The following TBC1D4 variants were observed in gnomAD, a reference collection of about 807,000 sequenced individuals.
The protein encoded by TBC1D4 is TBC (Tre-2, BUB2, CDC16) domain-containing protein.
Under a neutral mutation model 142.5 loss-of-function variants are expected in TBC1D4, and 121 were observed. The observed-to-expected ratio is 0.85, with a 90% CI of 0.73 to 0.99. The LOEUF (loss-of-function observed/expected upper bound fraction) is 0.99, where lower values mean the gene tolerates loss of function less well. Among genes scored for constraint, TBC1D4 ranks in the 50% least tolerant of loss-of-function variants. The pLI is 0.00. For missense variants in TBC1D4, 1,475 were observed against 1,606.6 expected (o/e 0.92, Z 1.40); for synonymous variants, 630 against 628.2 (o/e 1.00, Z -0.04).
chr13:75,391,007 C>T lies in TBC1D4; in HGVS notation c.499-28400G>A, dbSNP rs1884451283. 2.0e-5 allele frequency among the ~76,000 whole-genome samples: 3 copies of T among 150,776 alleles called. No individual in the cohort carries two copies. In the Admixed American group the frequency reaches 2.0e-4, roughly 10 times the overall value. ...TTTCCTGATACTATGCACAAACACACTAGCTAAGGCCACTTATTCCCCCAC... is the reference window on the plus strand; with the variant it reads ...TTTCCTGATACTATGCACAAACACATTAGCTAAGGCCACTTATTCCCCCAC... On this transcript the variant is annotated intron_variant, in intron 1 of 20. Coordinates refer to ENST00000377636, the MANE Select transcript of TBC1D4 (RefSeq NM_014832.5).
intron 1 of TBC1D4, among the ~76,000 whole-genome samples, chr13:75,435,832 T>C (rs931492368): frequency 1.3e-5 from 2 of 152,150 alleles, no homozygotes; most frequent in African/African-American, 2.4e-5. Flanking sequence ...CAGAAGTCAG[T>C]GTAAAAGAGT....
chr13:75,302,647 GT>G, intron 15 of TBC1D4: 1 of 550,048 alleles, frequency 1.8e-6, no homozygotes, highest in Non-Finnish European at 3.3e-6. Flanking sequence ...AACATCACCC[GT>G]TGCTGACTGA....
chr13:75,466,538 G>C (rs949856736), intron 1 of TBC1D4, among the ~76,000 whole-genome samples: 3 of 152,126 alleles, frequency 2.0e-5, no homozygotes, highest in Admixed American at 6.5e-5. Context: ...CAAAGCATTT[G>C]TTGTAATTCT....
intron 7 of TBC1D4, among the ~76,000 whole-genome samples, chr13:75,339,587 C>CT (rs34336000): frequency 0.36 from 52,817 of 147,788 alleles, 10,924 homozygotes; most frequent in East Asian, 0.67. Context: ...GCTCAATGTT[C>CT]TTTTTTTTTT....
rs974038337 is a variant in TBC1D4, at chr13:75,347,709, C to T, written c.1408+1461G>A. On this transcript the variant is annotated intron_variant, in intron 5 of 20. Coordinates refer to ENST00000377636, the MANE Select transcript of TBC1D4 (RefSeq NM_014832.5). Reference sequence around the variant, plus strand: ...CACTATCTCCTGAGTGACTGGCACCCGTTGACACACAGATTTACATGCTTC... The same window carrying T: ...CACTATCTCCTGAGTGACTGGCACCTGTTGACACACAGATTTACATGCTTC... Among the ~76,000 whole-genome samples the T allele has an allele frequency of 4.6e-5, 7 of 152,092 alleles. No homozygotes were observed. In the East Asian group the frequency reaches 7.7e-4, roughly 17 times the overall value.
At chr13:75,324,095 C>A in intron 11 of TBC1D4, 142 bp downstream of exon 11, 2 of 954,818 alleles carry the variant, frequency 2.1e-6, no homozygotes, top group South Asian at 1.5e-5. Flanking sequence ...GGATTGAAAC[C>A]AATATATTAG....
chr13:75,468,719 C>T (rs1478194068), intron 1 of TBC1D4, among the ~76,000 whole-genome samples: 2 of 152,124 alleles, frequency 1.3e-5, no homozygotes, highest in African/African-American at 4.8e-5. Context: ...TAAAGGCAAC[C>T]ATATGAAAAC....
At chr13:75,356,350 T>C in intron 3 of TBC1D4, 99 bp from the exon 4 acceptor site, 2 of 857,804 alleles carry the variant, frequency 2.3e-6, no homozygotes, top group Non-Finnish European at 3.8e-6. Flanking sequence ...TTCACAGTTC[T>C]ACGAATTTCT....
intron 1 of TBC1D4, among the ~76,000 whole-genome samples, chr13:75,389,770 G>A (rs1821600826): frequency 6.6e-6 from 1 of 152,072 alleles, no homozygotes; most frequent in African/African-American, 2.4e-5. Flanking sequence ...GTTGGCTACT[G>A]CACACAGTAC....
rs1008054292 is a variant in TBC1D4, at chr13:75,341,127, A to G, written c.1609T>C (p.Ser537Pro). The G allele has an allele frequency of 5.6e-6, 9 of 1,612,904 alleles. No individual in the cohort carries two copies. Among genetic ancestry groups the G allele is most frequent in the Non-Finnish European group, 7.6e-6 (9 of 1,179,400 alleles). Residue 537 changes from serine to proline, a missense_variant and splice_region_variant, in exon 7 of 21, where the codon TCT becomes CCT. Transcript: ENST00000377636. ...TGAAGTAGGAAATATCTTCTCACAG[A>G]AGGGCCTTCCCCGATGTGCACGTGT... ...KTHVHIGEGP[S>P]TISNSTIPEN...
At chr13:75,345,404 T>C (rs566085059) in intron 5 of TBC1D4, among the ~76,000 whole-genome samples, 1 of 152,300 alleles carries the variant, frequency 6.6e-6, no homozygotes, top group Non-Finnish European at 1.5e-5. Context: ...GAAAAAATCC[T>C]ATCAGAGAGT....
In TBC1D4 at chr13:75,320,046, AC is replaced by A; in HGVS notation, c.2199-10del. On this transcript the variant is annotated splice_polypyrimidine_tract_variant and intron_variant, in intron 11 of 20. Coordinates refer to ENST00000377636, the MANE Select transcript of TBC1D4 (RefSeq NM_014832.5). Reference sequence around the variant, plus strand: ...CTGAAGCAGTGTCTTGTCTGGTACAACAGGAAAACAAGGAATGGAATTAGCA... The same window carrying A: ...CTGAAGCAGTGTCTTGTCTGGTACAAAGGAAAACAAGGAATGGAATTAGCA... 1 of 1,613,430 alleles carries A rather than the reference AC, an allele frequency of 6.2e-7. No individual in the cohort carries two copies. Among genetic ancestry groups the A allele is most frequent in the Non-Finnish European group, 8.5e-7 (1 of 1,179,648 alleles).
chr13:75,305,421 C>T (rs76896601), intron 15 of TBC1D4, among the ~76,000 whole-genome samples: 3,105 of 152,342 alleles, frequency 0.02, 60 homozygotes, highest in South Asian at 0.058. Flanking sequence ...GTGTGATCTA[C>T]ATCTCATAGA....
At chr13:75,294,099 T>C (rs1875624517) in intron 18 of TBC1D4, among the ~76,000 whole-genome samples, 1 of 152,146 alleles carries the variant, frequency 6.6e-6, no homozygotes, top group Non-Finnish European at 1.5e-5. Flanking sequence ...GAAGAGTTGG[T>C]TGTTGTTGTT....
At chr13:75,472,374 A>G (rs9543940) in intron 1 of TBC1D4, among the ~76,000 whole-genome samples, 150,820 of 152,196 alleles carry the variant, frequency 0.99, 74,743 homozygotes, top group Middle Eastern at 1. Context: ...AGCCGAGATC[A>G]CGCCACTGCA....
At chr13:75,443,281 G>A (rs757356513) in intron 1 of TBC1D4, among the ~76,000 whole-genome samples, 1 of 152,210 alleles carries the variant, frequency 6.6e-6, no homozygotes, top group Admixed American at 6.5e-5. Context: ...ATAAGAATTA[G>A]AAACACAAAA....
intron 15 of TBC1D4, among the ~76,000 whole-genome samples, chr13:75,305,369 T>C (rs1877072042): frequency 6.6e-6 from 1 of 152,212 alleles, no homozygotes; most frequent in African/African-American, 2.4e-5. Context: ...AATAGGAAGA[T>C]AAGCACTCCT....
chr13:75,466,159 T>A (rs2031508), intron 1 of TBC1D4, among the ~76,000 whole-genome samples: 1 of 152,010 alleles, frequency 6.6e-6, no homozygotes, highest in South Asian at 2.1e-4. Flanking sequence ...TTGACTCTTT[T>A]CATCAACACC....
intron 1 of TBC1D4, among the ~76,000 whole-genome samples, chr13:75,385,482 TTAAGAG>T (rs1403299584): frequency 6.6e-6 from 1 of 152,208 alleles, no homozygotes; most frequent in Non-Finnish European, 1.5e-5. Flanking sequence ...ATTAATCAAA[TTAAGAG>T]TGTCACCTGA....
Sources: gnomAD v4.1 joint callset for allele counts (sites outside exome capture counted in the v4.1 genomes callset) on GRCh38, gnomAD v4.1.1 for gene constraint, MANE v1.5 for transcripts, NCBI Gene and HGNC (gene_info 2026-07-23, HGNC 2026-07-21) for gene names.